The following PDE7B variants were observed in gnomAD, a reference collection of about 807,000 sequenced individuals.
PDE7B encodes the protein phosphodiesterase 7B, also known as 3',5'-cyclic-AMP phosphodiesterase 7B.
PDE7B carries 29 observed loss-of-function variants against 56.2 expected under a neutral mutation model. The observed-to-expected ratio is 0.52, with a 90% CI of 0.38 to 0.70. The LOEUF (loss-of-function observed/expected upper bound fraction) is 0.70, where lower values mean the gene tolerates loss of function less well. PDE7B is among the 30% of genes least tolerant of loss of function. The probability of loss-of-function intolerance (pLI) is 0.00; values close to 1 mark genes in which losing one functional copy is unlikely to be tolerated. For synonymous variants in PDE7B, 197 were observed against 196.9 expected (o/e 1.00, Z 0.00); for missense variants, 490 against 565.0 (o/e 0.87, Z 1.35).
In PDE7B at chr6:135,987,103, A is replaced by G. The variant is rs576706546; in HGVS notation, c.82+39579A>G. 2.6e-5 allele frequency among the ~76,000 whole-genome samples: 4 copies of G among 152,348 alleles called. No individual in the cohort carries two copies. In the South Asian group the frequency reaches 8.3e-4, roughly 32 times the overall value. On this transcript the variant is annotated intron_variant, in intron 2 of 12. Transcript: ENST00000308191. The stretch of plus-strand genomic sequence containing the variant: ...TCCAAAATAAATTATCTTTGCAAGT[A>G]ACTACAACTTGCCTTCCAAACAACA...
chr6:136,060,289 A>G (rs1475114269), intron 2 of PDE7B, among the ~76,000 whole-genome samples: 1 of 152,008 alleles, frequency 6.6e-6, no homozygotes, highest in Non-Finnish European at 1.5e-5. Context: ...TTTGGCTCCC[A>G]TTTGATTTGT....
At chr6:136,088,274 C>T (rs890052138) in intron 2 of PDE7B, among the ~76,000 whole-genome samples, 5 of 152,012 alleles carry the variant, frequency 3.3e-5, no homozygotes, top group Non-Finnish European at 5.9e-5. Context: ...ATACCGGGGG[C>T]GGGCAGAGAA....
chr6:136,139,383 G>T (rs1451027852), intron 3 of PDE7B, among the ~76,000 whole-genome samples: 1 of 152,066 alleles, frequency 6.6e-6, no homozygotes, highest in Non-Finnish European at 1.5e-5. Flanking sequence ...TGGACATTTG[G>T]GTTGGTTCCA....
intron 2 of PDE7B, among the ~76,000 whole-genome samples, chr6:136,017,517 T>C (rs1341374987): frequency 1.8e-5 from 2 of 110,328 alleles, no homozygotes; most frequent in Non-Finnish European, 3.6e-5. Context: ...CAGGCCCCGG[T>C]GTGTGATGTT....
At chr6:135,852,042 G>T in intron 1 of PDE7B, 23 bp downstream of exon 1, 1 of 1,571,414 alleles carries the variant, frequency 6.4e-7, no homozygotes, top group Non-Finnish European at 8.8e-7. Context: ...AATTTAAGCG[G>T]CAAGCTCAGT....
intron 2 of PDE7B, among the ~76,000 whole-genome samples, chr6:136,104,320 G>GA (rs539078297): frequency 5.9e-5 from 9 of 151,856 alleles, no homozygotes; most frequent in Middle Eastern, 3.4e-3. Flanking sequence ...TATGCCAGAA[G>GA]AAAAAAAACA....
At chr6:135,893,294 C>T (rs1324666405) in intron 1 of PDE7B, among the ~76,000 whole-genome samples, 1 of 147,740 alleles carries the variant, frequency 6.8e-6, no homozygotes, top group Admixed American at 6.9e-5. Context: ...GTTCGATTCC[C>T]ACCTATGAAT....
intron 1 of PDE7B, among the ~76,000 whole-genome samples, chr6:135,869,867 A>G (rs1386452065): frequency 6.6e-6 from 1 of 152,246 alleles, no homozygotes; most frequent in African/African-American, 2.4e-5. Context: ...CAGAAAGGGC[A>G]GTGCTTTTGG....
chr6:136,000,518 T>C (rs886546811), intron 2 of PDE7B, among the ~76,000 whole-genome samples: 15 of 152,164 alleles, frequency 9.9e-5, no homozygotes, highest in Admixed American at 9.8e-4. Context: ...TCTTTTCCCC[T>C]GTCTTGTTTT....
chr6:136,097,567 T>C (rs1211843134), intron 2 of PDE7B, among the ~76,000 whole-genome samples: 2 of 152,208 alleles, frequency 1.3e-5, no homozygotes, highest in East Asian at 3.8e-4. Flanking sequence ...CTTCCATTCC[T>C]TTCTCCATAC....
At chr6:136,086,796 A>C (rs952583351) in intron 2 of PDE7B, among the ~76,000 whole-genome samples, 5 of 152,250 alleles carry the variant, frequency 3.3e-5, no homozygotes, top group African/African-American at 1.2e-4. Flanking sequence ...AGAGACATTC[A>C]GCAACAGCTT....
At chr6:135,859,338 TG>T (rs11293149) in intron 1 of PDE7B, among the ~76,000 whole-genome samples, 5,363 of 152,232 alleles carry the variant, frequency 0.035, 255 homozygotes, top group African/African-American at 0.11. Context: ...TAATTTCAAT[TG>T]GGTTTTTAGC....
intron 2 of PDE7B, among the ~76,000 whole-genome samples, chr6:136,076,575 A>G (rs1313764455): frequency 6.6e-6 from 1 of 152,164 alleles, no homozygotes; most frequent in Non-Finnish European, 1.5e-5. Context: ...GAACTGGGAG[A>G]ATGCTCAAAA....
chr6:136,009,955 A>C (rs1384116548), intron 2 of PDE7B, among the ~76,000 whole-genome samples: 2 of 152,174 alleles, frequency 1.3e-5, no homozygotes, highest in Non-Finnish European at 2.9e-5. Context: ...CTTTCAGCTC[A>C]GCTCTGATTT....
intron 3 of PDE7B, among the ~76,000 whole-genome samples, chr6:136,114,051 T>G (rs899169237): frequency 6.6e-6 from 1 of 152,210 alleles, no homozygotes; most frequent in Admixed American, 6.5e-5. Context: ...AAGTATCCAC[T>G]GCTACAGAGA....
intron 8 of PDE7B, among the ~76,000 whole-genome samples, chr6:136,169,161 T>C (rs1175787106): frequency 2.0e-5 from 3 of 152,120 alleles, no homozygotes; most frequent in Non-Finnish European, 2.9e-5. Flanking sequence ...GAGATTTAGA[T>C]GAGGGCATGG....
intron 1 of PDE7B, among the ~76,000 whole-genome samples, chr6:135,931,976 CACACACAT>C (rs1251630936): frequency 5.4e-5 from 8 of 149,134 alleles, no homozygotes; most frequent in Admixed American, 2.0e-4. Flanking sequence ...CACACACACA[CACACACAT>C]AGGTATATAC....
intron 2 of PDE7B, among the ~76,000 whole-genome samples, chr6:135,999,316 G>C (rs540947130): frequency 6.6e-6 from 1 of 152,108 alleles, no homozygotes; most frequent in African/African-American, 2.4e-5. Flanking sequence ...TTGTAACACA[G>C]ATAAACTTGT....
intron 1 of PDE7B, among the ~76,000 whole-genome samples, chr6:135,864,006 T>C (rs1171372571): frequency 1.3e-5 from 2 of 152,094 alleles, no homozygotes; most frequent in African/African-American, 4.8e-5. Flanking sequence ...TTGTTCTATA[T>C]TTCTTTTTCT....
Sources: allele counts gnomAD v4.1 joint callset (sites outside exome capture counted in the v4.1 genomes callset), GRCh38; gene constraint gnomAD v4.1.1; transcripts MANE v1.5; gene names NCBI Gene and HGNC (gene_info 2026-07-23, HGNC 2026-07-21).